ACACA: variants seen among roughly 807,000 people sequenced by gnomAD.
The protein encoded by ACACA is acetyl-CoA carboxylase alpha, also known as acetyl-CoA carboxylase 1.
ACACA carries 103 observed loss-of-function variants against 296.1 expected under a neutral mutation model. The ratio of observed to expected loss-of-function variants is 0.35; its 90% CI spans 0.30 to 0.41. ACACA has a LOEUF of 0.41. Among genes scored for constraint, ACACA ranks in the 10% least tolerant of loss-of-function variants. The probability of loss-of-function intolerance (pLI) is 1.00; values close to 1 mark genes in which losing one functional copy is unlikely to be tolerated. For missense variants in ACACA, 1,554 were observed against 2,989.7 expected, an observed-to-expected ratio of 0.52 and a Z score of 11.20; for synonymous variants, 953 against 1,038.6, an observed-to-expected ratio of 0.92 and a Z score of 1.58.
intron 45 of ACACA, chr17:37,144,500 G>C: frequency 4.0e-5 from 9 of 224,822 alleles, no homozygotes; most frequent in South Asian, 1.4e-4. Flanking sequence ...GGGTGGGTGA[G>C]CATGGAGACT....
chr17:37,179,797 C>T (rs1009043860), intron 40 of ACACA, among the ~76,000 whole-genome samples: 4 of 152,122 alleles, frequency 2.6e-5, no homozygotes, highest in Non-Finnish European at 4.4e-5. Context: ...AATGACATGA[C>T]GCTCAGCTAA....
chr17:37,148,680 A>AG (rs2075915628), intron 45 of ACACA, among the ~76,000 whole-genome samples: 2 of 152,180 alleles, frequency 1.3e-5, no homozygotes. Flanking sequence ...TGTTAGAGAG[A>AG]GGAACGGGAA....
chr17:37,092,886 G>A (rs374726202), intron 54 of ACACA, among the ~76,000 whole-genome samples: 1 of 152,272 alleles, frequency 6.6e-6, no homozygotes, highest in East Asian at 1.9e-4. Context: ...CACTTACAAG[G>A]CTAAGCCCTA....
chr17:37,190,430 C>CAA (rs1203961088), intron 38 of ACACA, among the ~76,000 whole-genome samples: 2 of 129,754 alleles, frequency 1.5e-5, no homozygotes, highest in African/African-American at 5.6e-5. Context: ...TCTGTCTCAA[C>CAA]AAAAAAAAAA....
chr17:37,252,494 CA>C (rs1247384054), intron 15 of ACACA, among the ~76,000 whole-genome samples: 2 of 152,076 alleles, frequency 1.3e-5, no homozygotes, highest in African/African-American at 4.8e-5. Flanking sequence ...CGATTTTATA[CA>C]AAATCTTGGA....
chr17:37,095,866 T>C (rs917787707), intron 54 of ACACA, among the ~76,000 whole-genome samples: 6 of 152,340 alleles, frequency 3.9e-5, no homozygotes, highest in Admixed American at 3.3e-4. Flanking sequence ...CAGCCCACTA[T>C]TCCAGGAGCA....
chr17:37,208,646 G>A (rs1336226184), intron 30 of ACACA, among the ~76,000 whole-genome samples: 1 of 152,202 alleles, frequency 6.6e-6, no homozygotes, highest in Non-Finnish European at 1.5e-5. Context: ...GATGCCTGAA[G>A]AGAACTGAAC....
intron 1 of ACACA, among the ~76,000 whole-genome samples, chr17:37,376,682 C>T (rs829152): frequency 0.38 from 58,123 of 151,968 alleles, 11,794 homozygotes; most frequent in East Asian, 0.74. Flanking sequence ...AGGCTGGGCA[C>T]GGTGGCTCAT....
At chr17:37,272,804 A>C (rs2082125438) in intron 9 of ACACA, among the ~76,000 whole-genome samples, 1 of 152,150 alleles carries the variant, frequency 6.6e-6, no homozygotes, top group South Asian at 2.1e-4. Flanking sequence ...TAATTATCAT[A>C]ATTATAAGTA....
intron 1 of ACACA, among the ~76,000 whole-genome samples, chr17:37,352,533 C>T (rs2048952496): frequency 6.6e-6 from 1 of 151,786 alleles, no homozygotes; most frequent in East Asian, 1.9e-4. Context: ...GGCAACATGA[C>T]GCAACCCCAT....
intron 35 of ACACA, among the ~76,000 whole-genome samples, chr17:37,197,720 A>T (rs1360375059): frequency 7.2e-6 from 1 of 139,506 alleles, no homozygotes; most frequent in Non-Finnish European, 1.6e-5. Flanking sequence ...CCTGGATTGT[A>T]TAATAGATTC....
chr17:37,325,199 CAAA>C (rs570719773), intron 3 of ACACA, among the ~76,000 whole-genome samples: 5 of 98,418 alleles, frequency 5.1e-5, no homozygotes, highest in Non-Finnish European at 6.4e-5. Flanking sequence ...GACTCCCTCT[CAAA>C]AAAAAAAAAA....
chr17:37,087,575 C>T, intron 55 of ACACA, 136 bp from the exon 56 acceptor site: 1 of 1,082,326 alleles, frequency 9.2e-7, no homozygotes, highest in African/African-American at 1.6e-5. Flanking sequence ...TTATTTGTTT[C>T]CCTATATTAC....
chr17:37,125,634 T>C (rs2074743782), intron 48 of ACACA, 64 bp downstream of exon 48: 3 of 1,333,796 alleles, frequency 2.2e-6, no homozygotes, highest in Middle Eastern at 1.8e-4. Context: ...TATAGAGCCA[T>C]GGCTCTTTCT....
chr17:37,210,600 T>A, intron 29 of ACACA, 110 bp from the exon 30 acceptor site: 1 of 998,040 alleles, frequency 1.0e-6, no homozygotes, highest in Non-Finnish European at 1.6e-6. Flanking sequence ...TTGGCAGCTC[T>A]GGCATTCAGC....
chr17:37,200,604 T>C (rs887535682), intron 33 of ACACA, 121 bp from the exon 34 acceptor site: 2 of 880,286 alleles, frequency 2.3e-6, no homozygotes, highest in Non-Finnish European at 3.7e-6. Context: ...TATCCTTATC[T>C]TAGCTTAGTA....
chr17:37,138,065 T>A (rs1233816601), intron 45 of ACACA, among the ~76,000 whole-genome samples: 1 of 152,184 alleles, frequency 6.6e-6, no homozygotes, highest in Non-Finnish European at 1.5e-5. Context: ...ATTATTAAAA[T>A]TAGGAACCGG....
intron 35 of ACACA, among the ~76,000 whole-genome samples, 188 bp downstream of exon 35, chr17:37,199,951 A>G (rs2078171879): frequency 6.6e-6 from 1 of 152,122 alleles, no homozygotes; most frequent in African/African-American, 2.4e-5. Context: ...TTGTGGGCTC[A>G]AGCAATTTTC....
intron 45 of ACACA, chr17:37,141,285 C>G (rs1288635725): frequency 3.7e-6 from 2 of 546,544 alleles, no homozygotes; most frequent in Admixed American, 4.2e-5. Flanking sequence ...GGTGGCCCAA[C>G]TTGGTCATCC....
Sources: allele counts gnomAD v4.1 joint callset (sites outside exome capture counted in the v4.1 genomes callset), GRCh38; gene constraint gnomAD v4.1.1; transcripts MANE v1.5; gene names NCBI Gene and HGNC (gene_info 2026-07-23, HGNC 2026-07-21).